ALK: variants seen among roughly 807,000 people sequenced by gnomAD.
ALK encodes ALK receptor tyrosine kinase.
ALK carries 74 observed loss-of-function variants against 163.1 expected under a neutral mutation model. The observed-to-expected ratio is 0.45, with a 90% CI of 0.38 to 0.55. The LOEUF (loss-of-function observed/expected upper bound fraction) is 0.55, where lower values mean the gene tolerates loss of function less well. Among genes scored for constraint, ALK ranks in the 20% least tolerant of loss-of-function variants. The probability of loss-of-function intolerance (pLI) is 0.00; values close to 1 mark genes in which losing one functional copy is unlikely to be tolerated. For synonymous variants in ALK, 960 were observed against 843.2 expected (o/e 1.14, Z -2.40); for missense variants, 2,063 against 2,105.3 (o/e 0.98, Z 0.39).
intron 3 of ALK, among the ~76,000 whole-genome samples, chr2:29,589,069 G>A (rs1674972869): frequency 6.6e-6 from 1 of 152,150 alleles, no homozygotes; most frequent in Admixed American, 6.5e-5. Flanking sequence ...AGCTTTAGAG[G>A]TGGGAGAAAC....
At chr2:29,868,643 C>G (rs1666503060) in intron 1 of ALK, among the ~76,000 whole-genome samples, 1 of 152,048 alleles carries the variant, frequency 6.6e-6, no homozygotes, top group African/African-American at 2.4e-5. Flanking sequence ...ATAGTCTAAG[C>G]CTTATGCTCT....
chr2:29,767,262 G>A lies in ALK; in HGVS notation c.668-49565C>T, dbSNP rs371865905. On this transcript the variant is annotated intron_variant, in intron 1 of 28. Coordinates refer to ENST00000389048, the MANE Select transcript of ALK (RefSeq NM_004304.5). ...TCAAGGTCACACAACTTTTAACTCT[G>A]TCTCCCAATACCTTCCTAATGTTTA... 2.8e-4 allele frequency among the ~76,000 whole-genome samples: 43 copies of A among 152,300 alleles called. 2 individuals carry two copies. In the South Asian group the frequency reaches 8.5e-3, roughly 30 times the overall value.
At chr2:29,589,428 A>G (rs1674983378) in intron 3 of ALK, among the ~76,000 whole-genome samples, 1 of 152,208 alleles carries the variant, frequency 6.6e-6, no homozygotes, top group South Asian at 2.1e-4. Flanking sequence ...CTGCAAGGAC[A>G]GGTTCAGGAA....
chr2:29,748,928 T>A (rs143154894), intron 1 of ALK, among the ~76,000 whole-genome samples: 1,658 of 152,234 alleles, frequency 0.011, 20 homozygotes, highest in Middle Eastern at 0.037. Flanking sequence ...GTATTTTTAG[T>A]AGAGATGGGG....
chr2:29,500,900 C>T (rs1347101120), intron 4 of ALK, among the ~76,000 whole-genome samples: 1 of 152,204 alleles, frequency 6.6e-6, no homozygotes, highest in Non-Finnish European at 1.5e-5. Flanking sequence ...CTCCCTACCA[C>T]ATTGACACAA....
At chr2:29,916,757 T>C (rs1380878604) in intron 1 of ALK, among the ~76,000 whole-genome samples, 6 of 152,196 alleles carry the variant, frequency 3.9e-5, no homozygotes, top group Non-Finnish European at 8.8e-5. Context: ...CCTAGCCCTC[T>C]GCCTGGGTGA....
chr2:29,551,846 C>T lies in ALK; in HGVS notation c.953-19730G>A, dbSNP rs115379020. 6.3e-3 allele frequency among the ~76,000 whole-genome samples: 961 copies of T among 152,268 alleles called. 14 individuals carry two copies. Among genetic ancestry groups the T allele is most frequent in the African/African-American group, 0.022 (896 of 41,544 alleles). The stretch of plus-strand genomic sequence containing the variant: ...GCTACTTAAAAAAAAATACTGTTTA[C>T]AGTGATAAGATATACACAGCACAAA... On this transcript the variant is annotated intron_variant, in intron 3 of 28. Coordinates refer to ENST00000389048, the MANE Select transcript of ALK (RefSeq NM_004304.5).
intron 8 of ALK, among the ~76,000 whole-genome samples, chr2:29,317,632 C>T (rs1382556039): frequency 6.6e-6 from 1 of 152,116 alleles, no homozygotes; most frequent in African/African-American, 2.4e-5. Flanking sequence ...AAACTGAAGC[C>T]CCAAGAGGTT....
At chr2:29,349,243 G>T (rs2148277836) in intron 5 of ALK, among the ~76,000 whole-genome samples, 1 of 152,278 alleles carries the variant, frequency 6.6e-6, no homozygotes, top group African/African-American at 2.4e-5. Context: ...GGGAAGCAGT[G>T]GTTTCCCTGG....
At chr2:29,590,590 C>T (rs1675020094) in intron 3 of ALK, among the ~76,000 whole-genome samples, 1 of 152,174 alleles carries the variant, frequency 6.6e-6, no homozygotes, top group Admixed American at 6.5e-5. Context: ...CAGGTAATAA[C>T]TGATCATCTT....
At chr2:29,618,663 C>G (rs1344457466) in intron 3 of ALK, among the ~76,000 whole-genome samples, 1 of 152,086 alleles carries the variant, frequency 6.6e-6, no homozygotes. Context: ...GGCTACTACC[C>G]GTGATATGCA....
At chr2:29,669,782 T>C (rs1200296377) in intron 3 of ALK, among the ~76,000 whole-genome samples, 5 of 152,138 alleles carry the variant, frequency 3.3e-5, no homozygotes, top group South Asian at 2.1e-4. Flanking sequence ...GTGATTACCA[T>C]AGGCTTACAA....
intron 1 of ALK, among the ~76,000 whole-genome samples, chr2:29,750,330 A>G (rs1680322235): frequency 1.3e-5 from 2 of 152,184 alleles, no homozygotes; most frequent in South Asian, 4.1e-4. Flanking sequence ...AGACAACTGT[A>G]TAACAATGGT....
intron 1 of ALK, among the ~76,000 whole-genome samples, chr2:29,811,036 T>A (rs1424640985): frequency 6.6e-6 from 1 of 152,028 alleles, no homozygotes; most frequent in East Asian, 1.9e-4. Context: ...TGTGAAATCA[T>A]AAATTTTGGT....
At chr2:29,581,352 C>T (rs924812901) in intron 3 of ALK, among the ~76,000 whole-genome samples, 28 of 152,142 alleles carry the variant, frequency 1.8e-4, no homozygotes, top group Non-Finnish European at 3.2e-4. Flanking sequence ...TGTGCCACTG[C>T]ACTCCAGCCT....
At chr2:29,337,132 T>C (rs1358461662) in intron 5 of ALK, among the ~76,000 whole-genome samples, 1 of 152,168 alleles carries the variant, frequency 6.6e-6, no homozygotes, top group African/African-American at 2.4e-5. Flanking sequence ...TTTCTGACGT[T>C]AATGGGGGTA....
chr2:29,349,675 A>G (rs910286848), intron 5 of ALK, among the ~76,000 whole-genome samples: 22 of 152,202 alleles, frequency 1.4e-4, no homozygotes, highest in African/African-American at 5.3e-4. Context: ...AGCACCCTGC[A>G]GGTGGTATGA....
At chr2:29,738,475 CT>C (rs918378901) in intron 1 of ALK, among the ~76,000 whole-genome samples, 17 of 152,054 alleles carry the variant, frequency 1.1e-4, no homozygotes, top group African/African-American at 3.9e-4. Context: ...CCATCTACTA[CT>C]TTGTTGTCAC....
chr2:29,550,213 C>T (rs1409276799), intron 3 of ALK, among the ~76,000 whole-genome samples: 1 of 152,158 alleles, frequency 6.6e-6, no homozygotes, highest in Non-Finnish European at 1.5e-5. Context: ...TTGCAACAAC[C>T]CTGTAAGGTA....
Sources: allele counts gnomAD v4.1 joint callset (sites outside exome capture counted in the v4.1 genomes callset), GRCh38; gene constraint gnomAD v4.1.1; transcripts MANE v1.5; gene names NCBI Gene and HGNC (gene_info 2026-07-23, HGNC 2026-07-21).